MED12L: variants seen among roughly 807,000 people sequenced by gnomAD.
MED12L encodes the protein mediator of RNA polymerase II transcription subunit 12-like protein.
Under a neutral mutation model 281.3 loss-of-function variants are expected in MED12L, and 60 were observed. The observed-to-expected ratio is 0.21, with a 90% CI of 0.17 to 0.26. MED12L has a LOEUF of 0.26. Among genes scored for constraint, MED12L ranks in the 10% least tolerant of loss-of-function variants. The pLI is 1.00. For synonymous variants in MED12L, 974 were observed against 987.2 expected, an observed-to-expected ratio of 0.99 and a Z score of 0.25; for missense variants, 2,146 against 2,680.9, an observed-to-expected ratio of 0.80 and a Z score of 4.41.
chr3:151,284,701 C>T (rs1405517048), intron 16 of MED12L, among the ~76,000 whole-genome samples: 6 of 152,168 alleles, frequency 3.9e-5, no homozygotes, highest in Admixed American at 2.0e-4. Context: ...CTCCGCCTCC[C>T]GGGTTCTGGT....
intron 16 of MED12L, among the ~76,000 whole-genome samples, chr3:151,278,712 A>G (rs1742312957): frequency 6.6e-6 from 1 of 152,168 alleles, no homozygotes; most frequent in South Asian, 2.1e-4. Flanking sequence ...TGGAGAACTG[A>G]TGTGTAAGAT....
intron 16 of MED12L, chr3:151,198,026 G>A (rs1003550302): frequency 6.5e-6 from 1 of 154,116 alleles, no homozygotes; most frequent in Non-Finnish European, 1.4e-5. Context: ...TTAAAATTAT[G>A]TTGCTGGTGG....
chr3:151,223,175 C>CAAAAAA (rs10646837), intron 16 of MED12L, among the ~76,000 whole-genome samples: 1,893 of 127,020 alleles, frequency 0.015, 54 homozygotes, highest in African/African-American at 0.052. Context: ...TTAAAAAGTC[C>CAAAAAA]AAAAAAAAAA....
intron 16 of MED12L, among the ~76,000 whole-genome samples, chr3:151,317,682 C>T (rs1037166312): frequency 6.6e-6 from 1 of 151,784 alleles, no homozygotes; most frequent in Non-Finnish European, 1.5e-5. Flanking sequence ...GAACTCCTGA[C>T]CTCATGATCC....
intron 9 of MED12L, 83 bp from the exon 10 acceptor site, chr3:151,165,337 A>T: frequency 2.0e-6 from 2 of 1,017,580 alleles, no homozygotes; most frequent in Non-Finnish European, 1.5e-6. Context: ...AGGATACTTT[A>T]CTCACGTGGA....
chr3:151,312,783 A>G (rs1391799162), intron 16 of MED12L, among the ~76,000 whole-genome samples: 1 of 152,226 alleles, frequency 6.6e-6, no homozygotes, highest in Non-Finnish European at 1.5e-5. Context: ...TTGGATTCAC[A>G]TTACAGGTTT....
At position 151,172,955 on chromosome 3, in the gene MED12L, A is replaced by G. The variant is rs1270874357; in HGVS notation, c.1494+6973A>G. ...TAGTAAAAGTTTGGTTTCTAGTAAC[A>G]TAGTTGGGAAAACAAAATTGTGTGT... On this transcript the variant is annotated intron_variant, in intron 11 of 44. Transcript: ENST00000687756. Among the ~76,000 whole-genome samples the G allele has an allele frequency of 2.0e-5, 3 of 152,236 alleles. No homozygotes were observed. The East Asian group carries it at 5.8e-4, about 29-fold the overall frequency.
chr3:151,357,083 T>C (rs1754023579), intron 19 of MED12L, 130 bp from the exon 20 acceptor site: 1 of 812,588 alleles, frequency 1.2e-6, no homozygotes, highest in East Asian at 2.8e-5. Flanking sequence ...ATTAAAAATT[T>C]TAAAAAAGTT....
rs372134855 is a variant in MED12L at position 151,374,884 on chromosome 3, A to AT, written c.3865-1136dup. ...TCTTACCAGATGATCCAGTTTTATT[A>AT]TTTTTTGGTTTATTCTCCCTCCCAT... On this transcript the variant is annotated intron_variant, in intron 27 of 44. Coordinates refer to ENST00000687756, the MANE Select transcript of MED12L (RefSeq NM_001393769.1). 8.7e-4 allele frequency among the ~76,000 whole-genome samples: 132 copies of AT among 152,190 alleles called. 1 individual carries two copies. Among genetic ancestry groups the AT allele is most frequent in the African/African-American group, 2.8e-3 (117 of 41,532 alleles).
chr3:151,338,618 A>G (rs750248532), intron 16 of MED12L: 2 of 1,613,958 alleles, frequency 1.2e-6, no homozygotes, highest in South Asian at 1.1e-5. Context: ...TGAATGGAAA[A>G]GTCAGAATCA....
At chr3:151,206,642 C>CT (rs747558778) in intron 16 of MED12L, among the ~76,000 whole-genome samples, 4 of 70,324 alleles carry the variant, frequency 5.7e-5, no homozygotes, top group South Asian at 6.3e-4. Context: ...AACACATTAT[C>CT]TTTTTTTTTT....
At chr3:151,213,670 G>T (rs1289150641) in intron 16 of MED12L, 1 of 1,614,004 alleles carries the variant, frequency 6.2e-7, no homozygotes, top group Admixed American at 1.7e-5. Flanking sequence ...CTTAAGGTGG[G>T]ACTTAAAGAT....
At chr3:151,153,548 C>A (rs1054822606) in intron 5 of MED12L, among the ~76,000 whole-genome samples, 2 of 149,096 alleles carry the variant, frequency 1.3e-5, no homozygotes, top group Non-Finnish European at 3.0e-5. Flanking sequence ...TGTATGTATC[C>A]GTTTCTGTTT....
intron 16 of MED12L, among the ~76,000 whole-genome samples, chr3:151,322,846 C>T (rs1334922977): frequency 6.6e-6 from 1 of 152,116 alleles, no homozygotes; most frequent in Non-Finnish European, 1.5e-5. Flanking sequence ...CTGGGGTTCT[C>T]ATCTCATTCC....
Position 151,163,896 on chromosome 3 carries a change from G to T in MED12L, c.1111G>T (p.Val371Phe). The T allele has an allele frequency of 1.9e-6, 3 of 1,611,752 alleles. No individual in the cohort carries two copies. The highest frequency in any genetic ancestry group is 2.2e-5 in the South Asian group (2 of 90,736). Reference protein sequence around the residue: ...VYGLSCMLQTVTLCCPSALVW... With the variant: ...VYGLSCMLQTFTLCCPSALVW... ...ACTTTATCTGTTTCATTTCCAGACT[G>T]TCACTCTCTGTTGCCCAAGTGCCTT... The change falls in exon 9 of 45, where the codon GTC becomes TTC. Residue 371 changes from valine to phenylalanine, a missense_variant. By Grantham distance (50) the Val-to-Phe change is conservative. This residue lies in a region of MED12L where 722 missense variants were observed against 861.2 expected (regional missense o/e 0.84). Transcript: ENST00000687756.
chr3:151,348,628 G>C (rs1476972266), intron 16 of MED12L, among the ~76,000 whole-genome samples: 1 of 151,642 alleles, frequency 6.6e-6, no homozygotes. Flanking sequence ...GAATCATTTG[G>C]GGGTGGGGAA....
At chr3:151,178,065 C>T (rs747394004) in intron 11 of MED12L, among the ~76,000 whole-genome samples, 179 of 139,042 alleles carry the variant, frequency 1.3e-3, no homozygotes, top group Non-Finnish European at 2.3e-3. Context: ...GAAAGTGCCA[C>T]AAGAATGGCT....
intron 16 of MED12L, among the ~76,000 whole-genome samples, chr3:151,208,185 A>G (rs190619872): frequency 6.6e-6 from 1 of 152,176 alleles, no homozygotes; most frequent in South Asian, 2.1e-4. Context: ...GGCCATGCCA[A>G]TTTTTTTATA....
intron 16 of MED12L, among the ~76,000 whole-genome samples, chr3:151,296,046 A>G (rs1745044851): frequency 6.6e-6 from 1 of 152,206 alleles, no homozygotes; most frequent in Admixed American, 6.5e-5. Context: ...TGTATAGTCT[A>G]ATGATAAATG....
Sources: gnomAD v4.1 joint callset for allele counts (sites outside exome capture counted in the v4.1 genomes callset) on GRCh38, gnomAD v4.1.1 for gene constraint, gnomAD v4.1.1 regional missense constraint, MANE v1.5 for transcripts, NCBI Gene and HGNC (gene_info 2026-07-23, HGNC 2026-07-21) for gene names.